PHF5A: variants seen among roughly 807,000 people sequenced by gnomAD.
The protein encoded by PHF5A is PHD finger protein 5A.
For synonymous variants in PHF5A, 52 were observed against 46.0 expected, an observed-to-expected ratio of 1.13 and a Z score of -0.52; for missense variants, 24 against 140.6, an observed-to-expected ratio of 0.17 and a Z score of 4.19.
At chr22:41,465,767 C>A (rs982122013) in intron 3 of PHF5A, among the ~76,000 whole-genome samples, 1 of 152,122 alleles carries the variant, frequency 6.6e-6, no homozygotes. Context: ...GTAGTCCCAG[C>A]TACTCGGGAG....
chr22:41,464,141 T>C (rs1021129666), intron 3 of PHF5A, among the ~76,000 whole-genome samples: 1 of 152,198 alleles, frequency 6.6e-6, no homozygotes, highest in Admixed American at 6.5e-5. Context: ...ACAAAAGGAA[T>C]AAAGGAATCA....
intron 3 of PHF5A, among the ~76,000 whole-genome samples, chr22:41,460,903 T>A (rs887727904): frequency 6.6e-6 from 1 of 152,054 alleles, no homozygotes; most frequent in Non-Finnish European, 1.5e-5. Context: ...CCGGGCACGG[T>A]GGCTCATGCC....
At chr22:41,468,398 C>T in intron 1 of PHF5A, 1 of 657,506 alleles carries the variant, frequency 1.5e-6, no homozygotes, top group Non-Finnish European at 2.6e-6. Flanking sequence ...CCCCCGATAC[C>T]TGCCTGGGGC....
At chr22:41,465,387 T>A (rs2037857966) in intron 3 of PHF5A, among the ~76,000 whole-genome samples, 1 of 151,284 alleles carries the variant, frequency 6.6e-6, no homozygotes. Context: ...GCTCTCAAAC[T>A]CCTGACCTCA....
Position 41,467,586 on chromosome 22 carries a change from G to A in PHF5A, c.105C>T (p.Ser35=). 6.2e-7 allele frequency: 1 copy of A among 1,614,182 alleles called. No individual in the cohort carries two copies. The highest frequency in any genetic ancestry group is 1.3e-5 in the African/African-American group (1 of 75,052). The change falls in exon 3 of 4, where the codon TCC becomes TCT. Residue 35 remains serine (S), a synonymous_variant. Coordinates refer to ENST00000216252, the MANE Select transcript of PHF5A (RefSeq NM_032758.4). ...GCACCAGAGTGCAGGGACGCACATA[G>A]GAGTCACAAATCACACACTTGCCAT... ...KCDGKCVICD[S]YVRPCTLVRI...
rs574375738 is a variant in PHF5A, at chr22:41,460,393, A to C, written c.*5T>G. ...TGTTGGGGGGAGGAAGGGGCCACCC[A>C]CCAATCACCTCTTCTTGAAGCCGTA... On this transcript the variant is annotated 3_prime_UTR_variant, in exon 4 of 4. Transcript: ENST00000216252. 19 of 1,591,476 alleles carry C rather than the reference A, an allele frequency of 1.2e-5. No individual in the cohort carries two copies. The African/African-American group carries it at 2.5e-4, about 21-fold the overall frequency.
rs1267407354 is a variant in PHF5A, at chr22:41,460,000, C to T, written c.*398G>A. 6.8e-6 allele frequency: 1 copy of T among 147,532 alleles called. No individual in the cohort carries two copies. Among genetic ancestry groups the T allele is most frequent in the Non-Finnish European group, 1.5e-5 (1 of 67,454 alleles). 9.1% of individuals were successfully genotyped at this position (147,532 alleles called of 1,614,324 possible). On this transcript the variant is annotated 3_prime_UTR_variant, in exon 4 of 4. Transcript: ENST00000216252. ...AAGGTTCCTCAAGGACAGCTGCCAC[C>T]AGAGCTGCTGCAAGAACATGTTTTT...
chr22:41,468,321 C>T, intron 1 of PHF5A, 174 bp from the exon 2 acceptor site: 2 of 677,460 alleles, frequency 3.0e-6, no homozygotes, highest in Non-Finnish European at 5.1e-6. Flanking sequence ...CATCCAAGCA[C>T]CCTCCTGAAT....
rs1181048030 is a variant in PHF5A at position 41,468,113 on chromosome 22, G to A, written c.76+11C>T. 1 of 1,613,890 alleles carries A rather than the reference G, an allele frequency of 6.2e-7. No individual in the cohort carries two copies. Among genetic ancestry groups the A allele is most frequent in the Non-Finnish European group, 8.5e-7 (1 of 1,179,878 alleles). ...GAAGGGTGGGTTGTTGGGACGGTGT[G>A]TTCCACTCACATTTTTCACACAGTC... is the stretch of plus-strand genomic sequence containing the variant. On this transcript the variant is annotated intron_variant, in intron 2 of 3. Coordinates refer to ENST00000216252, the MANE Select transcript of PHF5A (RefSeq NM_032758.4).
At chr22:41,465,716 C>T (rs1411438042) in intron 3 of PHF5A, among the ~76,000 whole-genome samples, 1 of 151,946 alleles carries the variant, frequency 6.6e-6, no homozygotes, top group Non-Finnish European at 1.5e-5. Context: ...CCCATCTCTA[C>T]TAAAAATACA....
intron 1 of PHF5A, 159 bp downstream of exon 1, chr22:41,468,443 G>A: frequency 2.5e-6 from 2 of 805,304 alleles, no homozygotes; most frequent in Non-Finnish European, 4.0e-6. Flanking sequence ...CTTCTCATCA[G>A]AGGCCACAAA....
chr22:41,468,247 T>A, intron 1 of PHF5A, 100 bp from the exon 2 acceptor site: 1 of 1,149,598 alleles, frequency 8.7e-7, no homozygotes, highest in South Asian at 1.3e-5. Flanking sequence ...GAGTAAGGAC[T>A]GCAGTGAGTG....
chr22:41,466,038 T>A (rs144454503), intron 3 of PHF5A, among the ~76,000 whole-genome samples: 2 of 152,338 alleles, frequency 1.3e-5, no homozygotes, highest in East Asian at 3.9e-4. Context: ...GAACAAGGTG[T>A]GATAACATCT....
intron 3 of PHF5A, among the ~76,000 whole-genome samples, chr22:41,462,762 G>T (rs559552328): frequency 1.3e-5 from 2 of 152,240 alleles, no homozygotes; most frequent in East Asian, 3.9e-4. Flanking sequence ...ACTGGATCAG[G>T]TCAAGGTTTA....
At chr22:41,468,479 G>C (rs2037893704) in intron 1 of PHF5A, 123 bp downstream of exon 1, 2 of 1,148,366 alleles carry the variant, frequency 1.7e-6, no homozygotes, top group Admixed American at 2.1e-5. Flanking sequence ...AACACCCCGC[G>C]CCTGAGAGGC....
chr22:41,465,351 C>T (rs1422433815), intron 3 of PHF5A, among the ~76,000 whole-genome samples: 2 of 151,820 alleles, frequency 1.3e-5, no homozygotes, highest in Non-Finnish European at 2.9e-5. Flanking sequence ...TTAGTAGAGA[C>T]GGGGTTTCAC....
intron 3 of PHF5A, among the ~76,000 whole-genome samples, chr22:41,465,991 C>A (rs1444378623): frequency 1.3e-5 from 2 of 152,192 alleles, no homozygotes; most frequent in Admixed American, 6.5e-5. Flanking sequence ...AAATGGGCAT[C>A]ATAATAATAA....
At chr22:41,467,977 A>ATC in intron 2 of PHF5A, 147 bp downstream of exon 2, 1 of 781,140 alleles carries the variant, frequency 1.3e-6, no homozygotes, top group South Asian at 1.7e-5. Flanking sequence ...GTGGGGAGTT[A>ATC]GAGGGGCCTT....
rs998280365 is a variant in PHF5A at position 41,459,802 on chromosome 22, G to A, written c.*596C>T. 1 of 151,664 alleles carries A rather than the reference G, an allele frequency of 6.6e-6. No individual in the cohort carries two copies. The highest frequency in any genetic ancestry group is 2.1e-4 in the South Asian group (1 of 4,812). 9.4% of individuals were successfully genotyped at this position (151,664 alleles called of 1,614,324 possible). On this transcript the variant is annotated 3_prime_UTR_variant, in exon 4 of 4. Transcript: ENST00000216252. ...TCAAAAGGAAAATAATATGAGACTA[G>A]TGGGCTATGATGATGCCTGTGAATA...
Sources: gnomAD v4.1 joint callset for allele counts (sites outside exome capture counted in the v4.1 genomes callset) on GRCh38, gnomAD v4.1.1 for gene constraint, MANE v1.5 for transcripts, NCBI Gene and HGNC (gene_info 2026-07-23, HGNC 2026-07-21) for gene names.